ZFYVE1: variants seen among roughly 807,000 people sequenced by gnomAD.
ZFYVE1 encodes the protein zinc finger FYVE domain-containing protein 1.
A neutral mutation model predicts 74.4 loss-of-function variants in ZFYVE1; 30 were observed. The ratio of observed to expected loss-of-function variants is 0.40; its 90% confidence interval spans 0.30 to 0.55. The LOEUF is 0.55. ZFYVE1 is among the 20% of genes least tolerant of loss of function. ZFYVE1 has a pLI of 0.42. For synonymous variants in ZFYVE1, 335 were observed against 385.1 expected (o/e 0.87, Z 1.52); for missense variants, 703 against 1,011.6 (o/e 0.69, Z 4.14).
At position 72,975,112 on chromosome 14, in the gene ZFYVE1, A is replaced by C. The variant is rs1893134961; in HGVS notation, c.1807-153T>G. The C allele has an allele frequency of 3.9e-6, 3 of 773,952 alleles. No individual in the cohort carries two copies. In the African/African-American group the frequency reaches 5.3e-5, roughly 14 times the overall value. 47.9% of individuals were successfully genotyped at this position (773,952 alleles called of 1,614,324 possible). A position where few individuals can be genotyped will look rare whatever the true frequency, so the allele number is the denominator to read the frequency against. ...GAGCTTTCTAGTAACGCGTTATCTG[A>C]GAATGGAAAGGAAGCCTGGTGGACA... On this transcript the variant is annotated intron_variant, in intron 9 of 11. Transcript: ENST00000556143. This position sits in a 1 kb window ranked among gnomAD's most constrained non-coding sequence, Gnocchi z 4.1.
intron 2 of ZFYVE1, among the ~76,000 whole-genome samples, chr14:73,010,741 G>A (rs528817702): frequency 1.6e-5 from 2 of 125,516 alleles, no homozygotes; most frequent in East Asian, 5.4e-4. Context: ...CTGCACTCCA[G>A]CCTGGGTGAC....
At chr14:73,020,091 C>T (rs868686567) in intron 2 of ZFYVE1, among the ~76,000 whole-genome samples, 3 of 151,862 alleles carry the variant, frequency 2.0e-5, no homozygotes, top group East Asian at 1.9e-4. Context: ...TCCATCTCTA[C>T]GAAAAATACA....
In ZFYVE1 at chr14:73,026,958, C is replaced by T; in HGVS notation, c.-467G>A. Reference sequence around the variant, plus strand: ...AAGCTCGGCCGCAGCAAGGCGGCGTCGGGGGGCCGCAGGGCGCCAGTGGGG... The same window carrying T: ...AAGCTCGGCCGCAGCAAGGCGGCGTTGGGGGGCCGCAGGGCGCCAGTGGGG... On this transcript the variant is annotated 5_prime_UTR_variant, in exon 1 of 12. Transcript: ENST00000556143. 1 of 398,870 alleles carries T rather than the reference C, an allele frequency of 2.5e-6. No homozygotes were observed. Among genetic ancestry groups the T allele is most frequent in the Non-Finnish European group, 4.4e-6 (1 of 226,334 alleles). 24.7% of individuals were successfully genotyped at this position (398,870 alleles called of 1,614,324 possible).
intron 2 of ZFYVE1, among the ~76,000 whole-genome samples, chr14:73,017,461 C>G (rs1364510942): frequency 6.6e-6 from 1 of 152,212 alleles, no homozygotes; most frequent in Non-Finnish European, 1.5e-5. Flanking sequence ...GATTGACAAC[C>G]ACTGTGTTAG....
At position 72,975,916 on chromosome 14, in the gene ZFYVE1, G is replaced by A. The variant is rs935352233; in HGVS notation, c.1636-195C>T. The A allele has an allele frequency of 2.4e-5, 15 of 636,478 alleles. No individual in the cohort carries two copies. In the Admixed American group the frequency reaches 4.8e-4, roughly 20 times the overall value. 39.4% of individuals were successfully genotyped at this position (636,478 alleles called of 1,614,324 possible). ...AAGTGACCATAAGACTTGATGTGTA[G>A]CTGTTCAATTCAGGACTTACTAAGC... On this transcript the variant is annotated intron_variant, in intron 8 of 11. Transcript: ENST00000556143. The surrounding 1 kb of genome is among the most constrained non-coding windows in gnomAD (Gnocchi z 4.1).
chr14:73,010,868 A>G (rs1486414641), intron 2 of ZFYVE1, among the ~76,000 whole-genome samples: 1 of 151,290 alleles, frequency 6.6e-6, no homozygotes, highest in African/African-American at 2.4e-5. Flanking sequence ...CTTAAATAAC[A>G]AATTATGTCA....
At chr14:73,012,419 C>T (rs755884163) in intron 2 of ZFYVE1, among the ~76,000 whole-genome samples, 1 of 151,910 alleles carries the variant, frequency 6.6e-6, no homozygotes, top group Non-Finnish European at 1.5e-5. Context: ...GTCAGGAGTT[C>T]GAGACCAGCC....
chr14:73,016,190 A>G (rs1433652257), intron 2 of ZFYVE1, among the ~76,000 whole-genome samples: 2 of 152,146 alleles, frequency 1.3e-5, no homozygotes, highest in East Asian at 3.9e-4. Context: ...ACTCGTCAGC[A>G]TGAATCATTT....
At chr14:73,011,572 T>A (rs1417088193) in intron 2 of ZFYVE1, among the ~76,000 whole-genome samples, 2 of 151,788 alleles carry the variant, frequency 1.3e-5, no homozygotes, top group African/African-American at 2.4e-5. Flanking sequence ...CAGGCTGCAG[T>A]GCAGTGGCAT....
chr14:72,970,086 G>T lies in ZFYVE1; in HGVS notation c.*796C>A. 6.5e-6 allele frequency: 2 copies of T among 306,006 alleles called. No individual in the cohort carries two copies. Among genetic ancestry groups the T allele is most frequent in the South Asian group, 4.3e-5 (1 of 23,038 alleles). 19.0% of individuals were successfully genotyped at this position (306,006 alleles called of 1,614,324 possible). ...CTGGGTGCCGCCTTTTGGGAAAGCC[G>T]AGTGGAGACAGAAGCATCGGGACAG... On this transcript the variant is annotated 3_prime_UTR_variant, in exon 12 of 12. Coordinates refer to ENST00000556143, the MANE Select transcript of ZFYVE1 (RefSeq NM_021260.4).
chr14:73,023,332 A>T (rs556425492), intron 2 of ZFYVE1, among the ~76,000 whole-genome samples: 6 of 94,914 alleles, frequency 6.3e-5, no homozygotes, highest in African/African-American at 1.5e-4. Context: ...AATATATATT[A>T]TATATGTTTT....
At chr14:72,972,011 C>T (rs1226148216) in intron 11 of ZFYVE1, among the ~76,000 whole-genome samples, 2 of 152,138 alleles carry the variant, frequency 1.3e-5, no homozygotes, top group African/African-American at 4.8e-5. Flanking sequence ...CACTCAAGGT[C>T]AGGAGTTCGA....
chr14:73,007,708 A>G (rs1205398801), intron 2 of ZFYVE1, among the ~76,000 whole-genome samples: 1 of 152,202 alleles, frequency 6.6e-6, no homozygotes, highest in Non-Finnish European at 1.5e-5. Flanking sequence ...GATTTTACCT[A>G]AACTATGTCA....
intron 2 of ZFYVE1, among the ~76,000 whole-genome samples, chr14:73,020,197 G>A (rs1438331255): frequency 1.4e-5 from 2 of 146,426 alleles, no homozygotes; most frequent in Non-Finnish European, 3.0e-5. Flanking sequence ...AGAGATTGCA[G>A]TGAGCCAAGA....
intron 4 of ZFYVE1, among the ~76,000 whole-genome samples, chr14:72,991,984 G>T (rs558394903): frequency 1.8e-3 from 274 of 151,084 alleles, no homozygotes; most frequent in African/African-American, 6.6e-3. Flanking sequence ...TCGGCTCACT[G>T]CAACGTCTGC....
At chr14:72,989,517 T>C (rs1231513470) in intron 4 of ZFYVE1, among the ~76,000 whole-genome samples, 2 of 152,164 alleles carry the variant, frequency 1.3e-5, no homozygotes, top group Non-Finnish European at 2.9e-5. Context: ...ACTTGAATTG[T>C]TTATCATGAA....
At chr14:72,982,271 AGGCAG>A (rs1893353690) in intron 4 of ZFYVE1, among the ~76,000 whole-genome samples, 1 of 152,194 alleles carries the variant, frequency 6.6e-6, no homozygotes, top group South Asian at 2.1e-4. Context: ...TTTAAGCCAC[AGGCAG>A]AGCCCAGATG....
intron 2 of ZFYVE1, among the ~76,000 whole-genome samples, chr14:73,005,324 C>T (rs1277319669): frequency 2.0e-5 from 3 of 152,128 alleles, no homozygotes; most frequent in South Asian, 2.1e-4. Flanking sequence ...TCTACTTGTT[C>T]GGCTTGTCTA....
chr14:72,978,490 C>T (rs1430816655), intron 6 of ZFYVE1, among the ~76,000 whole-genome samples: 1 of 143,146 alleles, frequency 7.0e-6, no homozygotes, highest in Non-Finnish European at 1.5e-5. Flanking sequence ...TTGCTGCAGC[C>T]CAGGAGGTGG....
Sources: gnomAD v4.1 joint callset for allele counts (sites outside exome capture counted in the v4.1 genomes callset) on GRCh38, gnomAD v4.1.1 for gene constraint, Gnocchi (gnomAD v3.1) non-coding constraint, MANE v1.5 for transcripts, NCBI Gene and HGNC (gene_info 2026-07-23, HGNC 2026-07-21) for gene names.